The following CCDC174 variants were observed in gnomAD, a reference collection of about 807,000 sequenced individuals.
The protein encoded by CCDC174 is coiled-coil domain-containing protein 174.
A neutral mutation model predicts 57.1 loss-of-function variants in CCDC174; 37 were observed. The observed-to-expected ratio is 0.65, with a 90% CI of 0.50 to 0.85. CCDC174 has a LOEUF of 0.85. Among genes scored for constraint, CCDC174 ranks in the 40% least tolerant of loss-of-function variants. The pLI is 0.00. For missense variants in CCDC174, 540 were observed against 574.3 expected (o/e 0.94, Z 0.61); for synonymous variants, 182 against 190.2 (o/e 0.96, Z 0.35).
At chr3:14,668,958 G>T (rs1356489241) in intron 9 of CCDC174, among the ~76,000 whole-genome samples, 1 of 152,196 alleles carries the variant, frequency 6.6e-6, no homozygotes, top group Non-Finnish European at 1.5e-5. Flanking sequence ...CTGCTCACCT[G>T]TTCATGATCC....
chr3:14,658,930 G>T lies in CCDC174; in HGVS notation c.307+1G>T. On this transcript the variant is annotated splice_donor_variant, in intron 4 of 10. Coordinates refer to ENST00000383794, the MANE Select transcript of CCDC174 (RefSeq NM_016474.5). LOFTEE classifies it high-confidence loss of function. ...AAAATGACTAAAGGAGACTTTATAG[G>T]TAAATAAAATTTGTTATTTCTACTT... is the stretch of plus-strand genomic sequence containing the variant. The T allele has an allele frequency of 6.6e-7, 1 of 1,507,856 alleles. No homozygotes were observed. Among genetic ancestry groups the T allele is most frequent in the Non-Finnish European group, 9.1e-7 (1 of 1,101,776 alleles). 93.4% of individuals were successfully genotyped at this position (1,507,856 alleles called of 1,614,324 possible).
At chr3:14,653,037 A>G (rs961903541) in intron 1 of CCDC174, among the ~76,000 whole-genome samples, 2 of 152,198 alleles carry the variant, frequency 1.3e-5, no homozygotes, top group African/African-American at 4.8e-5. Flanking sequence ...TTTACTTCAG[A>G]GTATTAGGAC....
rs189632070 is a variant in CCDC174 at position 14,658,752 on chromosome 3, G to A, written c.249-119G>A. On this transcript the variant is annotated intron_variant, in intron 3 of 10. Transcript: ENST00000383794. Reference sequence around the variant, plus strand: ...GGATGGTGTGGTCTGTGCTGGTTGTGGTTGTCTTGACAGGCTGGGCCTCAT... The same window carrying A: ...GGATGGTGTGGTCTGTGCTGGTTGTAGTTGTCTTGACAGGCTGGGCCTCAT... 8.5e-4 allele frequency: 921 copies of A among 1,088,954 alleles called. 16 individuals are homozygous for A. In the Admixed American group the frequency reaches 0.023, roughly 27 times the overall value. The allele number at this position is 1,088,954 out of a possible 1,614,324, so 67.5% of individuals were successfully genotyped here.
chr3:14,668,077 A>G lies in CCDC174; in HGVS notation c.848A>G (p.Asn283Ser), dbSNP rs1412858018. 4 of 1,601,426 alleles carry G rather than the reference A, an allele frequency of 2.5e-6. No homozygotes were observed. Among genetic ancestry groups the G allele is most frequent in the East Asian group, 2.2e-5 (1 of 44,552 alleles). The change falls in exon 9 of 11, where the codon AAC becomes AGC. Residue 283 changes from asparagine to serine, a missense_variant. Asn to Ser is a conservative substitution (Grantham distance 46, BLOSUM62 1). Transcript: ENST00000383794. ...ACAGATCAGAGAACAAAACGAGAAA[A>G]CATAAAGGAAAAGCGAAAGGCTATC... ...QTTDQRTKRENIKEKRKAILE... is the reference protein window; with the variant it reads ...QTTDQRTKRESIKEKRKAILE...
In CCDC174 at chr3:14,671,578, G is replaced by A. The variant is rs1203880882; in HGVS notation, c.*384G>A. On this transcript the variant is annotated 3_prime_UTR_variant, in exon 11 of 11. Transcript: ENST00000383794. ...GCATGCAGGTGTCTTTATTCCAAGG[G>A]TTCAGCTTCCAGATCAGCCGATGGA... The A allele has an allele frequency of 1.2e-5, 2 of 165,296 alleles. No homozygotes were observed. Among genetic ancestry groups the A allele is most frequent in the Non-Finnish European group, 2.6e-5 (2 of 76,888 alleles). 10.2% of individuals were successfully genotyped at this position (165,296 alleles called of 1,614,324 possible). A position where few individuals can be genotyped will look rare whatever the true frequency, so the allele number is the denominator to read the frequency against.
intron 6 of CCDC174, among the ~76,000 whole-genome samples, chr3:14,666,094 T>C (rs1196360031): frequency 6.8e-6 from 1 of 147,714 alleles, no homozygotes; most frequent in Non-Finnish European, 1.5e-5. Flanking sequence ...TTTGAGCCTC[T>C]CAGGGCCCAG....
At chr3:14,667,104 T>C in intron 7 of CCDC174, 157 bp downstream of exon 7, 1 of 675,592 alleles carries the variant, frequency 1.5e-6, no homozygotes, top group East Asian at 2.8e-5. Flanking sequence ...TTCATAGCCT[T>C]AAAATACTCA....
At chr3:14,651,935 A>T (rs2030781542) in intron 1 of CCDC174, 57 bp downstream of exon 1, 3 of 1,554,370 alleles carry the variant, frequency 1.9e-6, no homozygotes, top group Admixed American at 3.4e-5. Flanking sequence ...TCTCCATCAG[A>T]CAAGAATGTC....
Position 14,671,299 on chromosome 3 carries a change from C to T in CCDC174, c.*105C>T, listed in dbSNP as rs2031503144. ...AATTGTACCTTTGTCCTGTCCTTTC[C>T]CTAGGAGGCACAGACTTCGGGTTGG... On this transcript the variant is annotated 3_prime_UTR_variant, in exon 11 of 11. Coordinates refer to ENST00000383794, the MANE Select transcript of CCDC174 (RefSeq NM_016474.5). The T allele has an allele frequency of 5.0e-6, 6 of 1,201,288 alleles. No individual in the cohort carries two copies. The highest frequency in any genetic ancestry group is 4.8e-5 in the East Asian group (2 of 41,924). 74.4% of individuals were successfully genotyped at this position (1,201,288 alleles called of 1,614,324 possible).
rs1901 is a variant in CCDC174 at position 14,670,966 on chromosome 3, G to A, written c.1176G>A (p.Pro392=). The change falls in exon 11 of 11, where the codon CCG becomes CCA. Residue 392 remains proline, a synonymous_variant. Coordinates refer to ENST00000383794, the MANE Select transcript of CCDC174 (RefSeq NM_016474.5). ...CTGAGAGAGATCCTGAGTTTGCCCC[G>A]CCGTCAGATTACTTTGTGGGTCAGA... is the stretch of plus-strand genomic sequence containing the variant. ...LRAERDPEFA[P]PSDYFVGQKR... The A allele has an allele frequency of 0.35, 558,514 of 1,613,388 alleles. 98,888 individuals are homozygous for A. Among genetic ancestry groups the A allele is most frequent in the African/African-American group, 0.47 (34,884 of 74,878 alleles).
intron 1 of CCDC174, 129 bp downstream of exon 1, chr3:14,652,007 C>A: frequency 2.2e-6 from 2 of 891,252 alleles, no homozygotes; most frequent in East Asian, 2.7e-5. Flanking sequence ...AAACAGGAAC[C>A]CCCGAACTGG....
Position 14,661,790 on chromosome 3 carries a change from C to G in CCDC174, c.485+83C>G, listed in dbSNP as rs9840626. 0.21 allele frequency: 264,750 copies of G among 1,247,914 alleles called. 29,470 individuals carry two copies. The highest frequency in any genetic ancestry group is 0.32 in the Admixed American group (13,026 of 40,214). The allele number at this position is 1,247,914 out of a possible 1,614,324, so 77.3% of individuals were successfully genotyped here. ...GGGAGTGATTTTGTTGGGTTGTTAT[C>G]GAGCCATTTCTCTTTATTCTTCCTG... On this transcript the variant is annotated intron_variant, in intron 5 of 10. Transcript: ENST00000383794.
intron 2 of CCDC174, among the ~76,000 whole-genome samples, chr3:14,655,297 T>A (rs758347354): frequency 1.3e-4 from 19 of 151,304 alleles, no homozygotes; most frequent in African/African-American, 4.6e-4. Flanking sequence ...GGTGACAGAG[T>A]GAGATCCTGT....
At chr3:14,669,865 A>G in intron 9 of CCDC174, 69 bp from the exon 10 acceptor site, 7 of 1,494,514 alleles carry the variant, frequency 4.7e-6, no homozygotes, top group Non-Finnish European at 6.5e-6. Context: ...CAGGATTAGC[A>G]TGTTCTGTAT....
Position 14,670,958 on chromosome 3 carries a change from T to C in CCDC174, c.1168T>C (p.Phe390Leu). The C allele has an allele frequency of 6.2e-7, 1 of 1,614,120 alleles. No homozygotes were observed. The highest frequency in any genetic ancestry group is 1.6e-4 in the Middle Eastern group (1 of 6,062). Reference sequence around the variant, plus strand: ...TCTCCGGGCTGAGAGAGATCCTGAGTTTGCCCCGCCGTCAGATTACTTTGT... The same window carrying C: ...TCTCCGGGCTGAGAGAGATCCTGAGCTTGCCCCGCCGTCAGATTACTTTGT... ...SDLRAERDPE[F>L]APPSDYFVGQ... The change falls in exon 11 of 11, where the codon TTT becomes CTT. Residue 390 changes from phenylalanine to leucine, a missense_variant. Transcript: ENST00000383794.
chr3:14,652,624 G>A (rs2124826921), intron 1 of CCDC174, among the ~76,000 whole-genome samples: 1 of 152,216 alleles, frequency 6.6e-6, no homozygotes, highest in African/African-American at 2.4e-5. Context: ...AGTGATAGCC[G>A]GGCGCGGTGA....
At chr3:14,665,733 A>G (rs2031310943) in intron 6 of CCDC174, among the ~76,000 whole-genome samples, 1 of 152,172 alleles carries the variant, frequency 6.6e-6, no homozygotes, top group Non-Finnish European at 1.5e-5. Context: ...GCTTGGCATA[A>G]GAAAGGGAGA....
intron 5 of CCDC174, among the ~76,000 whole-genome samples, chr3:14,662,590 G>A (rs1460619347): frequency 6.6e-6 from 1 of 152,206 alleles, no homozygotes; most frequent in Non-Finnish European, 1.5e-5. Context: ...CTGTTCAGCA[G>A]TGCTTGAAAT....
At position 14,671,782 on chromosome 3, in the gene CCDC174, A is replaced by G. The variant is rs575257276; in HGVS notation, c.*588A>G. On this transcript the variant is annotated 3_prime_UTR_variant, in exon 11 of 11. Transcript: ENST00000383794. ...GAGTTGTTTACTTAATTTTACTGTC[A>G]TACCATGCTATTACCTACACTCCTG... The G allele has an allele frequency of 6.5e-6, 1 of 153,088 alleles. No homozygotes were observed. The highest frequency in any genetic ancestry group is 1.5e-5 in the Non-Finnish European group (1 of 68,622). 9.5% of individuals were successfully genotyped at this position (153,088 alleles called of 1,614,324 possible).
Sources: allele counts gnomAD v4.1 joint callset (sites outside exome capture counted in the v4.1 genomes callset), GRCh38; gene constraint gnomAD v4.1.1; transcripts MANE v1.5; gene names NCBI Gene and HGNC (gene_info 2026-07-23, HGNC 2026-07-21).